The following SND1 variants were observed in gnomAD, a reference collection of about 807,000 sequenced individuals.
SND1 encodes the protein staphylococcal nuclease and tudor domain containing 1.
SND1 carries 38 observed loss-of-function variants against 121.7 expected under a neutral mutation model. The observed-to-expected ratio is 0.31, with a 90% CI of 0.24 to 0.41. The LOEUF is 0.41. Among genes scored for constraint, SND1 ranks in the 10% least tolerant of loss-of-function variants. SND1 has a pLI of 1.00. For synonymous variants in SND1, 401 were observed against 447.4 expected, an observed-to-expected ratio of 0.90 and a Z score of 1.31; for missense variants, 868 against 1,184.6, an observed-to-expected ratio of 0.73 and a Z score of 3.92.
At chr7:127,702,805 T>C (rs991302762) in intron 6 of SND1, among the ~76,000 whole-genome samples, 7 of 152,232 alleles carry the variant, frequency 4.6e-5, no homozygotes, top group Non-Finnish European at 1.0e-4. Flanking sequence ...CTATGAAGTT[T>C]GCTGAATATG....
intron 11 of SND1, among the ~76,000 whole-genome samples, chr7:127,813,089 C>T (rs919077011): frequency 1.3e-5 from 2 of 152,196 alleles, no homozygotes; most frequent in Admixed American, 6.5e-5. Context: ...GCCAGCTGTT[C>T]GGTGTGGCTG....
chr7:127,984,765 G>A (rs1043949104), intron 15 of SND1, among the ~76,000 whole-genome samples: 1 of 152,158 alleles, frequency 6.6e-6, no homozygotes, highest in East Asian at 1.9e-4. Context: ...AGTGAGGGGA[G>A]AGAGCAGAGG....
intron 12 of SND1, among the ~76,000 whole-genome samples, chr7:127,854,247 G>C (rs1467599944): frequency 6.6e-6 from 1 of 152,126 alleles, no homozygotes; most frequent in African/African-American, 2.4e-5. Context: ...GCTGAGTTCA[G>C]CCTCCCAAGT....
intron 10 of SND1, among the ~76,000 whole-genome samples, chr7:127,773,417 A>C (rs956262934): frequency 1.1e-4 from 16 of 151,560 alleles, no homozygotes; most frequent in Non-Finnish European, 1.9e-4. Flanking sequence ...GTGCCACTGC[A>C]CTCTAGCCTG....
intron 17 of SND1, among the ~76,000 whole-genome samples, chr7:128,080,833 A>G (rs1050511517): frequency 6.6e-6 from 1 of 151,784 alleles, no homozygotes; most frequent in African/African-American, 2.4e-5. Context: ...GTTGGTTCTG[A>G]TGCCTGCCAG....
intron 12 of SND1, among the ~76,000 whole-genome samples, chr7:127,846,796 G>A (rs1168050740): frequency 6.6e-6 from 1 of 152,116 alleles, no homozygotes; most frequent in African/African-American, 2.4e-5. Flanking sequence ...GAGACTCCCA[G>A]ATAATTTTAT....
chr7:127,794,414 C>T (rs1797973753), intron 10 of SND1, among the ~76,000 whole-genome samples: 1 of 152,190 alleles, frequency 6.6e-6, no homozygotes, highest in Non-Finnish European at 1.5e-5. Flanking sequence ...GTTCCACTGG[C>T]ACCAGCTAAA....
intron 12 of SND1, chr7:127,858,130 A>G (rs2116676533): frequency 1.2e-6 from 1 of 862,382 alleles, no homozygotes; most frequent in Non-Finnish European, 2.0e-6. Flanking sequence ...GAACATGTCT[A>G]GGGAGTGTGG....
intron 4 of SND1, among the ~76,000 whole-genome samples, chr7:127,700,815 TC>T (rs1232708480): frequency 6.6e-6 from 1 of 152,180 alleles, no homozygotes; most frequent in Non-Finnish European, 1.5e-5. Context: ...GGATTCCAGT[TC>T]CTGAATCCGG....
In SND1 at chr7:128,092,076, G is replaced by A. The variant is rs1793790988; in HGVS notation, c.*18G>A. On this transcript the variant is annotated 3_prime_UTR_variant, in exon 24 of 24. Coordinates refer to ENST00000354725, the MANE Select transcript of SND1 (RefSeq NM_014390.4). This position sits in a 1 kb window ranked among gnomAD's most constrained non-coding sequence, Gnocchi z 4.9. ...GCCGCTAAGGAGGGGATCGGGTTTG[G>A]CCCCCAGCCCCGCTCACGCCAGTCC... 7 of 1,613,572 alleles carry A rather than the reference G, an allele frequency of 4.3e-6. No homozygotes were observed. The highest frequency in any genetic ancestry group is 5.9e-6 in the Non-Finnish European group (7 of 1,179,550).
intron 11 of SND1, among the ~76,000 whole-genome samples, chr7:127,838,340 C>G (rs891369931): frequency 1.3e-5 from 2 of 152,180 alleles, no homozygotes; most frequent in African/African-American, 4.8e-5. Context: ...TGGAGAGGAT[C>G]TCAGAACTCA....
chr7:127,745,634 A>G (rs1451545663), intron 10 of SND1, among the ~76,000 whole-genome samples: 2 of 152,204 alleles, frequency 1.3e-5, no homozygotes, highest in African/African-American at 4.8e-5. Flanking sequence ...GGAAAGTGAG[A>G]TCAGATTAGG....
intron 12 of SND1, among the ~76,000 whole-genome samples, chr7:127,885,070 A>G (rs1271081385): frequency 6.6e-6 from 1 of 152,056 alleles, no homozygotes; most frequent in Admixed American, 6.6e-5. Context: ...TGTATGAGTG[A>G]TCATCCTTAC....
At chr7:128,049,439 C>A (rs1477390560) in intron 16 of SND1, among the ~76,000 whole-genome samples, 1 of 152,154 alleles carries the variant, frequency 6.6e-6, no homozygotes, top group Non-Finnish European at 1.5e-5. Context: ...GGACAGTTTC[C>A]TCTTCAGGTG....
chr7:127,867,931 TAA>T (rs1799510209), intron 12 of SND1, among the ~76,000 whole-genome samples: 1 of 152,164 alleles, frequency 6.6e-6, no homozygotes, highest in African/African-American at 2.4e-5. Flanking sequence ...CATTACTATT[TAA>T]CTTAATCTGC....
intron 10 of SND1, among the ~76,000 whole-genome samples, chr7:127,755,369 T>C (rs1797176085): frequency 6.6e-6 from 1 of 152,256 alleles, no homozygotes. Context: ...TCATTTTTCT[T>C]CCTTCTTTCT....
At chr7:127,883,711 C>T (rs1299884297) in intron 12 of SND1, among the ~76,000 whole-genome samples, 2 of 152,146 alleles carry the variant, frequency 1.3e-5, no homozygotes, top group South Asian at 2.1e-4. Flanking sequence ...TTCAAGAAAA[C>T]GATCTAGTTC....
intron 14 of SND1, among the ~76,000 whole-genome samples, chr7:127,927,752 C>T (rs1734135342): frequency 6.6e-6 from 1 of 152,100 alleles, no homozygotes; most frequent in Non-Finnish European, 1.5e-5. Context: ...TGAGAGGAGC[C>T]CCTTTGGCTG....
intron 9 of SND1, among the ~76,000 whole-genome samples, chr7:127,717,252 A>T (rs1796408299): frequency 6.6e-6 from 1 of 152,178 alleles, no homozygotes; most frequent in South Asian, 2.1e-4. Context: ...TTTATATTTT[A>T]TTCAGGTATT....
Sources: allele counts gnomAD v4.1 joint callset (sites outside exome capture counted in the v4.1 genomes callset), GRCh38; gene constraint gnomAD v4.1.1; non-coding constraint Gnocchi (gnomAD v3.1); transcripts MANE v1.5; gene names NCBI Gene and HGNC (gene_info 2026-07-23, HGNC 2026-07-21).